Variants in LMNTD2 observed in about 807,000 individuals in gnomAD.
LMNTD2 encodes lamin tail domain containing 2, also known as lamin tail domain-containing protein 2.
Under a neutral mutation model 70.1 loss-of-function variants are expected in LMNTD2, and 83 were observed. That is an observed-to-expected ratio of 1.18 (90% CI 0.99 to 1.42). The LOEUF (loss-of-function observed/expected upper bound fraction) is 1.42. Ranked by LOEUF, LMNTD2 falls within the 40% of genes most tolerant of loss-of-function variation. LMNTD2 has a pLI of 0.00. For synonymous variants in LMNTD2, 534 were observed against 406.1 expected (o/e 1.31, Z -3.79); for missense variants, 1,153 against 905.9 (o/e 1.27, Z -3.50).
rs753884291 is a variant in LMNTD2 at position 557,933 on chromosome 11, C to A, written c.506G>T (p.Arg169Leu). 1 of 1,593,294 alleles carries A rather than the reference C, an allele frequency of 6.3e-7. No homozygotes were observed. Among genetic ancestry groups the A allele is most frequent in the South Asian group, 1.1e-5 (1 of 88,076 alleles). ...TAGCATGCGGCCCACCCACGAGGAGCGGGCCAGCTGCAGGAGGCAGGACTT... is the reference window on the plus strand; with the variant it reads ...TAGCATGCGGCCCACCCACGAGGAGAGGGCCAGCTGCAGGAGGCAGGACTT... The part of the protein sequence containing the change: ...LQKSCLLQLA[R>L]SSWVGRMLRS... The change falls in exon 5 of 14, where the codon CGC becomes CTC. Residue 169 changes from arginine (R) to leucine (L), a missense_variant. Coordinates refer to ENST00000329451, the MANE Select transcript of LMNTD2 (RefSeq NM_173573.3).
At chr11:557,770 C>G in intron 5 of LMNTD2, 114 bp downstream of exon 5, 1 of 1,549,006 alleles carries the variant, frequency 6.5e-7, no homozygotes, top group Non-Finnish European at 8.7e-7. Flanking sequence ...TCCAGAGGCA[C>G]CTGAGCAGGG....
chr11:560,551 G>GGGCT (rs148276162), intron 1 of LMNTD2, 132 bp downstream of exon 1: 49,206 of 1,280,596 alleles, frequency 0.038, 1,006 homozygotes, highest in Middle Eastern at 0.071. Flanking sequence ...GCGAGGGGAG[G>GGGCT]GGCTGGCCCC....
At chr11:555,225 A>AGAGGGGAGG in intron 13 of LMNTD2, 80 bp downstream of exon 13, 1 of 528,290 alleles carries the variant, frequency 1.9e-6, no homozygotes, top group Non-Finnish European at 2.3e-6. Context: ...ACGAGGAGAC[A>AGAGGGGAGG]GAGGGGAGGG....
intron 1 of LMNTD2, chr11:560,419 C>T: frequency 8.1e-7 from 1 of 1,234,626 alleles, no homozygotes; most frequent in Non-Finnish European, 1.0e-6. Context: ...CACCAGGACT[C>T]TGCGCCCGCC....
rs1476060911 is a variant in LMNTD2 at position 558,212 on chromosome 11, C to G, written c.348G>C (p.Gln116His). Reference protein sequence around the residue: ...SHSQEKLLQNQVQKLIQELKE... With the variant: ...SHSQEKLLQNHVQKLIQELKE... ...TCAACTCCTGGATCAGCTTCTGGAC[C>G]TGGTTCTGCAGGAGTTTCTCCTGAC... Residue 116 changes from glutamine (Q) to histidine (H), a missense_variant, in exon 4 of 14, where the codon CAG (glutamine) becomes CAC (histidine). Physicochemically the swap from Gln to His is conservative, Grantham distance 24 (BLOSUM62 0). Transcript: ENST00000329451. 1.1e-5 allele frequency: 17 copies of G among 1,613,500 alleles called. No individual in the cohort carries two copies. The highest frequency in any genetic ancestry group is 1.4e-5 in the Non-Finnish European group (17 of 1,179,874).
At position 555,114 on chromosome 11, in the gene LMNTD2, G is replaced by A. The variant is rs369845778; in HGVS notation, c.1774-3C>T. 2.3e-5 allele frequency: 33 copies of A among 1,459,982 alleles called. No individual in the cohort carries two copies. In the Admixed American group the frequency reaches 2.6e-4, roughly 12 times the overall value. The allele number at this position is 1,459,982 out of a possible 1,614,324, so 90.4% of individuals were successfully genotyped here. On this transcript the variant is annotated splice_region_variant and splice_polypyrimidine_tract_variant and intron_variant, in intron 13 of 13. Transcript: ENST00000329451. ...CGGTCCACGCTCTTCCGGCACACCT[G>A]GGGGGCGCGGGGGCTGAGAGGCGCG...
intron 4 of LMNTD2, 52 bp from the exon 5 acceptor site, chr11:558,091 G>A (rs933430023): frequency 6.3e-6 from 10 of 1,596,012 alleles, no homozygotes; most frequent in Non-Finnish European, 6.8e-6. Flanking sequence ...TCTGCAGAAG[G>A]CCCCCAGGCC....
chr11:560,657 G>C, intron 1 of LMNTD2, 26 bp downstream of exon 1: 5 of 1,412,976 alleles, frequency 3.5e-6, no homozygotes, highest in Non-Finnish European at 4.7e-6. Flanking sequence ...GAGGAAGTCG[G>C]CCCAGGAGCG....
At chr11:555,631 T>C in intron 12 of LMNTD2, 103 bp downstream of exon 12, 1 of 1,263,528 alleles carries the variant, frequency 7.9e-7, no homozygotes, top group Non-Finnish European at 1.0e-6. Context: ...GGGCGGGGCC[T>C]GGGGAAGTAG....
rs1441881547 is a variant in LMNTD2, at chr11:556,227, GCGGGAAGCGGTACAGGCGCTC to G, written c.1201_1221del (p.Glu401_Pro407del). 4.7e-6 allele frequency: 7 copies of G among 1,497,236 alleles called. No homozygotes were observed. Among genetic ancestry groups the G allele is most frequent in the Non-Finnish European group, 6.2e-6 (7 of 1,129,426 alleles). 92.7% of individuals were successfully genotyped at this position (1,497,236 alleles called of 1,614,324 possible). ...TGCCGCGGGGCCAGCAGCGTGCCCG[GCGGGAAGCGGTACAGGCGCTC>G]CGGGAAGCCGCGCACCAGCTGCTTC... is the stretch of plus-strand genomic sequence containing the variant. On this transcript the variant is annotated inframe_deletion, in exon 10 of 14. Coordinates refer to ENST00000329451, the MANE Select transcript of LMNTD2 (RefSeq NM_173573.3).
intron 1 of LMNTD2, chr11:559,729 A>G (rs1853157471): frequency 9.0e-7 from 1 of 1,110,852 alleles, no homozygotes; most frequent in East Asian, 6.3e-5. Flanking sequence ...AACTGGCAAT[A>G]GTACACTCCT....
At position 556,476 on chromosome 11, in the gene LMNTD2, G is replaced by A. The variant is rs913220274; in HGVS notation, c.1073+16C>T. ...CTCCAGTCCGGCGCCGGAGGCTTGGGTCACTCGCCCCTTACCTCTGCAGGA... is the reference window on the plus strand; with the variant it reads ...CTCCAGTCCGGCGCCGGAGGCTTGGATCACTCGCCCCTTACCTCTGCAGGA... On this transcript the variant is annotated intron_variant, in intron 9 of 13. Coordinates refer to ENST00000329451, the MANE Select transcript of LMNTD2 (RefSeq NM_173573.3). The A allele has an allele frequency of 6.5e-7, 1 of 1,550,012 alleles. No individual in the cohort carries two copies. Among genetic ancestry groups the A allele is most frequent in the Non-Finnish European group, 8.7e-7 (1 of 1,146,810 alleles).
Position 556,512 on chromosome 11 carries a change from C to T in LMNTD2, c.1053G>A (p.Trp351Ter). The part of the protein sequence containing the change: ...SPQPCTDPDH[W>*]SPELLQSPTG... ...CTTACCTCTGCAGGAGTTCCGGGCT[C>T]CAGTGGTCCGGGTCTGTGCAGGGCT... The change falls in exon 9 of 14, where the codon TGG (tryptophan) becomes TGA (stop). Residue 351 changes from tryptophan (W) to a stop codon, truncating the protein, a stop_gained. Transcript: ENST00000329451. LOFTEE classifies it high-confidence loss of function. 1.9e-6 allele frequency: 3 copies of T among 1,554,158 alleles called. No homozygotes were observed. The highest frequency in any genetic ancestry group is 2.7e-5 in the African/African-American group (2 of 73,412).
chr11:557,626 C>T lies in LMNTD2; in HGVS notation c.570G>A (p.Glu190=), dbSNP rs1382869600. ...QTGSVEVVTA[E]TLMDPSDLSE... is the part of the protein sequence containing the mutation. ...AGAGGTCGCTTGGGTCCATCAGAGT[C>T]TCTGCCGTCACTACCTGCAAGAGGG... The change falls in exon 6 of 14, where the codon GAG becomes GAA. Residue 190 remains glutamate (E), a synonymous_variant. Transcript: ENST00000329451. 2.5e-6 allele frequency: 4 copies of T among 1,613,206 alleles called. No individual in the cohort carries two copies. Among genetic ancestry groups the T allele is most frequent in the Non-Finnish European group, 2.5e-6 (3 of 1,179,872 alleles).
chr11:558,544 T>C, intron 3 of LMNTD2, 70 bp downstream of exon 3: 1 of 1,515,286 alleles, frequency 6.6e-7, no homozygotes, highest in African/African-American at 1.4e-5. Flanking sequence ...GGGGTTGGGG[T>C]CAGACAGAAA....
rs1173636751 is a variant in LMNTD2 at position 554,945 on chromosome 11, C to T, written c.*35G>A. On this transcript the variant is annotated 3_prime_UTR_variant, in exon 14 of 14. Coordinates refer to ENST00000329451, the MANE Select transcript of LMNTD2 (RefSeq NM_173573.3). ...CGCCCAGCCCCGGCGCCCGCCCGCGCCCTCCCTCGCGGTCCCGGCCCCACT... is the reference window on the plus strand; with the variant it reads ...CGCCCAGCCCCGGCGCCCGCCCGCGTCCTCCCTCGCGGTCCCGGCCCCACT... 6.8e-7 allele frequency: 1 copy of T among 1,460,244 alleles called. No homozygotes were observed. The highest frequency in any genetic ancestry group is 9.0e-7 in the Non-Finnish European group (1 of 1,109,616). 90.5% of individuals were successfully genotyped at this position (1,460,244 alleles called of 1,614,324 possible).
chr11:557,034 C>T lies in LMNTD2; in HGVS notation c.777G>A (p.Glu259=). The change falls in exon 8 of 14, where the codon GAG becomes GAA. Residue 259 remains glutamate, a synonymous_variant. Coordinates refer to ENST00000329451, the MANE Select transcript of LMNTD2 (RefSeq NM_173573.3). The part of the protein sequence containing the change: ...GSPESSGKHS[E]RHHKTVEWGS... ...CCCACTCCACGGTCTTGTGATGCCG[C>T]TCGGAATGCTTTCCAGAGGACTCTG... The T allele has an allele frequency of 1.2e-6, 2 of 1,609,714 alleles. No individual in the cohort carries two copies. The highest frequency in any genetic ancestry group is 1.7e-6 in the Non-Finnish European group (2 of 1,178,994).
intron 7 of LMNTD2, 78 bp from the exon 8 acceptor site, chr11:557,175 G>T (rs1211866616): frequency 2.7e-6 from 4 of 1,483,586 alleles, no homozygotes; most frequent in Non-Finnish European, 2.7e-6. Context: ...ACAAGGCAGT[G>T]CAGCAGGGAG....
At position 555,060 on chromosome 11, in the gene LMNTD2, G is replaced by A. The variant is rs1275974591; in HGVS notation, c.1825C>T (p.Gln609Ter). Residue 609 changes from glutamine to a stop codon, truncating the protein, a stop_gained, in exon 14 of 14, where the codon CAG becomes TAG. Transcript: ENST00000329451. LOFTEE classifies it low-confidence loss of function (END_TRUNC). ...RSCPLVALSV[Q>*]NTAESRFGFR... ...CCGAATCTGCTCTCCGCCGTGTTCTGCACCGACAGGGCCACCAGGGGGCAG... is the reference window on the plus strand; with the variant it reads ...CCGAATCTGCTCTCCGCCGTGTTCTACACCGACAGGGCCACCAGGGGGCAG... 1 of 1,585,838 alleles carries A rather than the reference G, an allele frequency of 6.3e-7. No homozygotes were observed. Among genetic ancestry groups the A allele is most frequent in the South Asian group, 1.1e-5 (1 of 88,422 alleles).
Sources: allele counts gnomAD v4.1 joint callset, GRCh38; gene constraint gnomAD v4.1.1; transcripts MANE v1.5; gene names NCBI Gene and HGNC (gene_info 2026-07-23, HGNC 2026-07-21).